Variants in SMG6 observed in about 807,000 individuals in gnomAD.
SMG6 encodes the protein telomerase-binding protein EST1A.
In SMG6, 66 loss-of-function variants were observed where a neutral mutation model predicts 142.2. That is an observed-to-expected ratio of 0.46 (90% CI 0.38 to 0.57). The LOEUF is 0.57. Ranked by LOEUF, SMG6 falls within the 20% of genes least tolerant of loss-of-function variation. SMG6 has a pLI of 0.00. For synonymous variants in SMG6, 779 were observed against 702.4 expected (o/e 1.11, Z -1.72); for missense variants, 1,793 against 1,832.0 (o/e 0.98, Z 0.39).
rs1006757907 is a variant in SMG6 at position 2,060,160 on chromosome 17, G to A, written c.*1332C>T. On this transcript the variant is annotated 3_prime_UTR_variant, in exon 19 of 19. Transcript: ENST00000263073. ...CTGTGCAGTCAGGCCATGGGCTCTGGGGTATCCCCCACTGGTCCCATTAAG... is the reference window on the plus strand; with the variant it reads ...CTGTGCAGTCAGGCCATGGGCTCTGAGGTATCCCCCACTGGTCCCATTAAG... 1.3e-5 allele frequency: 2 copies of A among 152,432 alleles called. No homozygotes were observed. Among genetic ancestry groups the A allele is most frequent in the South Asian group, 2.1e-4 (1 of 4,830 alleles). The allele number at this position is 152,432 out of a possible 1,614,324, so 9.4% of individuals were successfully genotyped here. A position where few individuals can be genotyped will look rare whatever the true frequency, so the allele number is the denominator to read the frequency against.
chr17:2,242,378 A>AAAAGAATAAGAAAG (rs2073825916), intron 9 of SMG6, among the ~76,000 whole-genome samples: 1 of 145,752 alleles, frequency 6.9e-6, no homozygotes, highest in Non-Finnish European at 1.5e-5. Flanking sequence ...AAAAAAAAAA[A>AAAAGAATAAGAAAG]AATTAGTCGG....
chr17:2,173,258 A>G (rs540085407), intron 12 of SMG6: 1 of 236,708 alleles, frequency 4.2e-6, no homozygotes, highest in East Asian at 9.9e-5. Context: ...CATGCCACAC[A>G]GACAGCAACT....
chr17:2,180,409 C>T (rs2071769883), intron 12 of SMG6, among the ~76,000 whole-genome samples: 1 of 152,308 alleles, frequency 6.6e-6, no homozygotes, highest in Non-Finnish European at 1.5e-5. Flanking sequence ...CTAACGGGTA[C>T]AACTGGGGAG....
chr17:2,087,803 C>T lies in SMG6; in HGVS notation c.3358-1902G>A, dbSNP rs2232482. ...ACGCACAGTGGCCTCCCTGCATCTCCAGCCTCTCACTTGCATAGGAAACTT... is the reference window on the plus strand; with the variant it reads ...ACGCACAGTGGCCTCCCTGCATCTCTAGCCTCTCACTTGCATAGGAAACTT... On this transcript the variant is annotated intron_variant, in intron 13 of 18. Transcript: ENST00000263073. 8.1e-3 allele frequency: 7,961 copies of T among 985,800 alleles called. 446 individuals carry two copies. In the African/African-American group the frequency reaches 0.13, roughly 16 times the overall value. The allele number at this position is 985,800 out of a possible 1,614,324, so 61.1% of individuals were successfully genotyped here. A position where few individuals can be genotyped will look rare whatever the true frequency, so the allele number is the denominator to read the frequency against.
rs2075249170 is a variant in SMG6 at position 2,300,266 on chromosome 17, C to T, written c.487G>A (p.Val163Met). ...QTVSKESASR[V>M]EEEEVLNQVE... ...TGGTTGAGGACTTCTTCCTCCTCCA[C>T]CCGACTGGCGGATTCTTTGCTAACA... Residue 163 changes from valine (V) to methionine (M), a missense_variant, in exon 2 of 19, where the codon GTG (valine) becomes ATG (methionine). Transcript: ENST00000263073. The T allele has an allele frequency of 6.2e-7, 1 of 1,614,176 alleles. No homozygotes were observed. Among genetic ancestry groups the T allele is most frequent in the Non-Finnish European group, 8.5e-7 (1 of 1,180,050 alleles).
intron 9 of SMG6, among the ~76,000 whole-genome samples, chr17:2,241,076 A>G (rs983692425): frequency 7.2e-5 from 11 of 152,224 alleles, no homozygotes; most frequent in African/African-American, 1.4e-4. Flanking sequence ...ACAGAATAAG[A>G]GGATACCCAT....
chr17:2,112,209 A>C (rs2069342287), intron 13 of SMG6, among the ~76,000 whole-genome samples: 1 of 146,828 alleles, frequency 6.8e-6, no homozygotes, highest in Non-Finnish European at 1.5e-5. Context: ...TTCCCTCTTA[A>C]AAAAAAAAAA....
intron 13 of SMG6, among the ~76,000 whole-genome samples, chr17:2,130,052 G>A (rs566886467): frequency 2.6e-5 from 4 of 151,576 alleles, no homozygotes; most frequent in African/African-American, 7.3e-5. Context: ...GAGGTCAGGA[G>A]ATCAAGACCA....
Position 2,300,220 on chromosome 17 carries a change from T to G in SMG6, c.533A>C (p.Glu178Ala). The change falls in exon 2 of 19, where the codon GAG becomes GCG. Residue 178 changes from glutamate to alanine, a missense_variant. Around this residue, in one of 3 missense-constraint regions of SMG6, gnomAD observed 1,597 missense variants for 1,584.6 expected, o/e 1.01. Coordinates refer to ENST00000263073, the MANE Select transcript of SMG6 (RefSeq NM_017575.5). ...AACATTTCCCCTACACTCATCTTCC[T>G]CTACTCTCAGTTGTTCTACCTGGTT... Reference protein sequence around the residue: ...VLNQVEQLRVEEDECRGNVAK... With the variant: ...VLNQVEQLRVAEDECRGNVAK... The G allele has an allele frequency of 6.2e-7, 1 of 1,614,198 alleles. No individual in the cohort carries two copies. Among genetic ancestry groups the G allele is most frequent in the East Asian group, 2.2e-5 (1 of 44,896 alleles).
intron 13 of SMG6, among the ~76,000 whole-genome samples, chr17:2,165,153 A>T (rs1252169444): frequency 6.6e-6 from 1 of 152,220 alleles, no homozygotes; most frequent in Non-Finnish European, 1.5e-5. Flanking sequence ...GCAATGCTTC[A>T]GCAGTTCAGA....
intron 8 of SMG6, chr17:2,265,805 G>A (rs1010017633): frequency 1.0e-5 from 2 of 198,034 alleles, no homozygotes; most frequent in African/African-American, 4.7e-5. Context: ...TGAATCATTA[G>A]TCTGTTTATA....
chr17:2,208,996 A>C (rs2072769744), intron 10 of SMG6, among the ~76,000 whole-genome samples: 1 of 152,144 alleles, frequency 6.6e-6, no homozygotes, highest in Non-Finnish European at 1.5e-5. Flanking sequence ...CCTGGGCAAC[A>C]AAGTGAGACT....
chr17:2,119,914 G>A (rs1470835958), intron 13 of SMG6, among the ~76,000 whole-genome samples: 4 of 152,042 alleles, frequency 2.6e-5, no homozygotes, highest in East Asian at 1.9e-4. Flanking sequence ...CACCCGCCTC[G>A]GCCTCCCAAA....
intron 13 of SMG6, among the ~76,000 whole-genome samples, chr17:2,102,902 C>T (rs1332610854): frequency 1.3e-5 from 2 of 152,098 alleles, no homozygotes; most frequent in African/African-American, 2.4e-5. Context: ...TGTGTCTTTC[C>T]GTGCCTGGCT....
chr17:2,278,353 C>T (rs945215314), intron 8 of SMG6, among the ~76,000 whole-genome samples: 1 of 152,032 alleles, frequency 6.6e-6, no homozygotes, highest in African/African-American at 2.4e-5. Context: ...CAGGCAGACA[C>T]CACTATGCCC....
chr17:2,068,125 G>A lies in SMG6; in HGVS notation c.3835+653C>T, dbSNP rs1269778533. 3.9e-5 allele frequency among the ~76,000 whole-genome samples: 6 copies of A among 152,132 alleles called. No homozygotes were observed. The East Asian group carries it at 1.2e-3, about 29-fold the overall frequency. ...GGTACCCAGACGGTCCCGTGGAGAC[G>A]GCCCAGCTGGGCCTCTCTGGCTAGA... On this transcript the variant is annotated intron_variant, in intron 16 of 18. Transcript: ENST00000263073. The surrounding 1 kb of genome is among the most constrained non-coding windows in gnomAD (Gnocchi z 6.7).
At chr17:2,292,311 G>A (rs2075055663) in intron 6 of SMG6, among the ~76,000 whole-genome samples, 1 of 152,222 alleles carries the variant, frequency 6.6e-6, no homozygotes. Flanking sequence ...GCTGGAGCAT[G>A]AGCATTCCCT....
At chr17:2,128,225 G>C (rs569615017) in intron 13 of SMG6, among the ~76,000 whole-genome samples, 20 of 152,366 alleles carry the variant, frequency 1.3e-4, no homozygotes, top group African/African-American at 4.8e-4. Context: ...AGTGCTCCCA[G>C]TCCCCAGGCT....
At chr17:2,269,077 G>A (rs537490722) in intron 8 of SMG6, among the ~76,000 whole-genome samples, 42 of 151,708 alleles carry the variant, frequency 2.8e-4, no homozygotes, top group African/African-American at 7.3e-4. Flanking sequence ...GTTGGCAGGC[G>A]CCTGTAGTCC....
Sources: allele counts gnomAD v4.1 joint callset (sites outside exome capture counted in the v4.1 genomes callset), GRCh38; gene constraint gnomAD v4.1.1; regional missense constraint gnomAD v4.1.1; non-coding constraint Gnocchi (gnomAD v3.1); transcripts MANE v1.5; gene names NCBI Gene and HGNC (gene_info 2026-07-23, HGNC 2026-07-21).